Variants in LARS2 observed in about 807,000 individuals in gnomAD.
LARS2 encodes leucyl-tRNA synthetase 2, mitochondrial.
Under a neutral mutation model 116.6 loss-of-function variants are expected in LARS2, and 81 were observed. The ratio of observed to expected loss-of-function variants is 0.69; its 90% CI spans 0.58 to 0.84. LARS2 has a LOEUF of 0.84. LARS2 is among the 40% of genes least tolerant of loss of function. The pLI is 0.00. For missense variants in LARS2, 968 were observed against 1,114.5 expected (o/e 0.87, Z 1.87); for synonymous variants, 396 against 407.2 (o/e 0.97, Z 0.33).
At position 45,513,242 on chromosome 3, in the gene LARS2, A is replaced by G. The variant is rs369084897; in HGVS notation, c.1861+7A>G. On this transcript the variant is annotated splice_region_variant and intron_variant, in intron 16 of 21. Transcript: ENST00000645846. ...GAGGAAGTGGATCTCACAGGTAAGA[A>G]TGGCCCATCTGGTCCCATCCAGGTA... 132 of 1,566,564 alleles carry G rather than the reference A, an allele frequency of 8.4e-5. No individual in the cohort carries two copies. The highest frequency in any genetic ancestry group is 1.1e-4 in the Non-Finnish European group (127 of 1,136,712).
At chr3:45,462,770 G>T (rs141364223) in intron 8 of LARS2, among the ~76,000 whole-genome samples, 17 of 152,168 alleles carry the variant, frequency 1.1e-4, no homozygotes, top group African/African-American at 4.1e-4. Context: ...CTTCTTGGGC[G>T]CATGGCTGTG....
intron 7 of LARS2, among the ~76,000 whole-genome samples, chr3:45,458,089 A>G (rs1317955817): frequency 1.3e-5 from 2 of 152,156 alleles, no homozygotes; most frequent in African/African-American, 4.8e-5. Flanking sequence ...CTGAAGATTT[A>G]TTTCCCTAAA....
At chr3:45,428,702 A>T (rs1042228737) in intron 6 of LARS2, among the ~76,000 whole-genome samples, 7 of 152,334 alleles carry the variant, frequency 4.6e-5, no homozygotes, top group Admixed American at 2.6e-4. Context: ...TTTGGTGTCT[A>T]GCTTTAACTC....
chr3:45,423,486 T>C (rs1293015033), intron 6 of LARS2, among the ~76,000 whole-genome samples: 1 of 152,234 alleles, frequency 6.6e-6, no homozygotes, highest in East Asian at 1.9e-4. Context: ...CTTCTTTTTG[T>C]ATTGTTGAAG....
At chr3:45,541,026 C>T (rs1700787679) in intron 20 of LARS2, among the ~76,000 whole-genome samples, 1 of 152,090 alleles carries the variant, frequency 6.6e-6, no homozygotes, top group Non-Finnish European at 1.5e-5. Flanking sequence ...AAGTGATCCT[C>T]CCATCTCAGC....
At chr3:45,513,059 G>C (rs1437470932) in intron 15 of LARS2, 76 bp from the exon 16 acceptor site, 12 of 973,096 alleles carry the variant, frequency 1.2e-5, no homozygotes, top group Non-Finnish European at 1.7e-5. Flanking sequence ...CCATCCGAGG[G>C]AAGGTCTGCG....
At chr3:45,546,136 A>G (rs566157406) in intron 21 of LARS2, among the ~76,000 whole-genome samples, 1 of 152,316 alleles carries the variant, frequency 6.6e-6, no homozygotes, top group South Asian at 2.1e-4. Context: ...GAGGAAAGAC[A>G]TGATTCACTA....
At chr3:45,439,209 G>GTTT (rs1698859752) in intron 6 of LARS2, among the ~76,000 whole-genome samples, 3 of 110,490 alleles carry the variant, frequency 2.7e-5, no homozygotes, top group Non-Finnish European at 5.4e-5. Flanking sequence ...AGAAACTCTG[G>GTTT]CTTTTTTTTT....
chr3:45,413,454 A>G (rs187413034), intron 4 of LARS2, among the ~76,000 whole-genome samples: 3 of 152,342 alleles, frequency 2.0e-5, no homozygotes, highest in African/African-American at 4.8e-5. Context: ...GTCATGCTCA[A>G]TAATTCAAGG....
chr3:45,528,943 C>T (rs1279009706), intron 20 of LARS2, among the ~76,000 whole-genome samples: 3 of 151,630 alleles, frequency 2.0e-5, no homozygotes, highest in Admixed American at 6.6e-5. Context: ...AATCTCCACT[C>T]ACTGCAACTT....
chr3:45,445,650 G>A (rs1699005796), intron 6 of LARS2, among the ~76,000 whole-genome samples: 1 of 152,232 alleles, frequency 6.6e-6, no homozygotes, highest in Non-Finnish European at 1.5e-5. Flanking sequence ...GAAGTGGGAA[G>A]GTAGAGCCAA....
chr3:45,438,439 C>T (rs1698842357), intron 6 of LARS2, among the ~76,000 whole-genome samples: 1 of 152,008 alleles, frequency 6.6e-6, no homozygotes, highest in South Asian at 2.1e-4. Context: ...AAGCAGTGCT[C>T]ACCATCCCTG....
chr3:45,499,636 A>T (rs1190016154), intron 14 of LARS2, among the ~76,000 whole-genome samples: 1 of 152,140 alleles, frequency 6.6e-6, no homozygotes, highest in Non-Finnish European at 1.5e-5. Context: ...AAAGAAAAAA[A>T]AATGTTTTTT....
At position 45,507,851 on chromosome 3, in the gene LARS2, G is replaced by A. The variant is rs144623042; in HGVS notation, c.1761-5284G>A. On this transcript the variant is annotated intron_variant, in intron 15 of 21. Coordinates refer to ENST00000645846, the MANE Select transcript of LARS2 (RefSeq NM_015340.4). Reference sequence around the variant, plus strand: ...TTTCCAGATTTTTTACAATGATTGTGTAACTTTATCATTTACAGTATGGTA... The same window carrying A: ...TTTCCAGATTTTTTACAATGATTGTATAACTTTATCATTTACAGTATGGTA... 7.8e-3 allele frequency among the ~76,000 whole-genome samples: 1,188 copies of A among 152,132 alleles called. 13 individuals carry two copies. Among genetic ancestry groups the A allele is most frequent in the Middle Eastern group, 0.017 (5 of 294 alleles).
intron 7 of LARS2, among the ~76,000 whole-genome samples, chr3:45,458,361 C>A (rs1452999156): frequency 6.6e-6 from 1 of 152,176 alleles, no homozygotes; most frequent in Non-Finnish European, 1.5e-5. Flanking sequence ...TGCAGGCCCT[C>A]TCCCATGTAA....
In LARS2 at chr3:45,549,271, A is replaced by C. The variant is rs1428537456; in HGVS notation, c.*1741A>C. 6.6e-6 allele frequency: 1 copy of C among 152,202 alleles called. No individual in the cohort carries two copies. Among genetic ancestry groups the C allele is most frequent in the Non-Finnish European group, 1.5e-5 (1 of 68,044 alleles). The allele number at this position is 152,202 out of a possible 1,614,324, so 9.4% of individuals were successfully genotyped here. On this transcript the variant is annotated 3_prime_UTR_variant, in exon 22 of 22. Coordinates refer to ENST00000645846, the MANE Select transcript of LARS2 (RefSeq NM_015340.4). The stretch of plus-strand genomic sequence containing the variant: ...CCTAATCTTCAGGTTAGCGGGGATA[A>C]GTTTGGTCCAGGACCAAGAGTTGGA...
chr3:45,423,649 A>G (rs1254267460), intron 6 of LARS2, among the ~76,000 whole-genome samples: 3 of 152,214 alleles, frequency 2.0e-5, no homozygotes, highest in Non-Finnish European at 4.4e-5. Context: ...CAGTTTTACA[A>G]TCATATTCAT....
In LARS2 at chr3:45,394,688, G is replaced by A. The variant is rs1298435619; in HGVS notation, c.234+1G>A. 3.1e-6 allele frequency: 5 copies of A among 1,599,442 alleles called. No individual in the cohort carries two copies. The highest frequency in any genetic ancestry group is 1.3e-5 in the African/African-American group (1 of 74,684). On this transcript the variant is annotated splice_donor_variant, in intron 3 of 21. Transcript: ENST00000645846. LOFTEE classifies it high-confidence loss of function. ...GGCCTCCAAAATTTCAGAAGCTGAT[G>A]TGAGTATTCTGAGAGATTCTAAGAG...
At chr3:45,473,712 C>T (rs1345642521) in intron 8 of LARS2, among the ~76,000 whole-genome samples, 1 of 147,968 alleles carries the variant, frequency 6.8e-6, no homozygotes, top group Non-Finnish European at 1.5e-5. Context: ...TTTTTTATCA[C>T]ACATTAACAT....
Sources: gnomAD v4.1 joint callset for allele counts (sites outside exome capture counted in the v4.1 genomes callset) on GRCh38, gnomAD v4.1.1 for gene constraint, MANE v1.5 for transcripts, NCBI Gene and HGNC (gene_info 2026-07-23, HGNC 2026-07-21) for gene names.